Variants in TAFA4 observed in about 807,000 individuals in gnomAD.
TAFA4 encodes chemokine-like protein TAFA-4.
TAFA4 carries 20 observed loss-of-function variants against 21.1 expected under a neutral mutation model. That is an observed-to-expected ratio of 0.95 (90% confidence interval 0.67 to 1.38). The LOEUF (loss-of-function observed/expected upper bound fraction) is 1.38. Ranked by LOEUF, TAFA4 falls within the 40% of genes most tolerant of loss-of-function variation. The pLI, the probability that TAFA4 is intolerant of heterozygous loss-of-function variation, is 0.00. For missense variants in TAFA4, 211 were observed against 180.9 expected (o/e 1.17, Z -0.95); for synonymous variants, 71 against 67.4 (o/e 1.05, Z -0.26).
At chr3:68,795,954 A>G (rs560124499) in intron 3 of TAFA4, among the ~76,000 whole-genome samples, 49 of 152,310 alleles carry the variant, frequency 3.2e-4, no homozygotes, top group African/African-American at 1.1e-3. Flanking sequence ...ATTCTTGCAC[A>G]CTTGTAAAGT....
intron 3 of TAFA4, among the ~76,000 whole-genome samples, chr3:68,871,955 A>C (rs1044055672): frequency 2.0e-5 from 3 of 152,150 alleles, no homozygotes; most frequent in Admixed American, 1.3e-4. Context: ...CATTGGGGGA[A>C]TGTAGATTAG....
intron 1 of TAFA4, among the ~76,000 whole-genome samples, chr3:68,890,098 G>C (rs2089715918): frequency 6.6e-6 from 1 of 152,070 alleles, no homozygotes; most frequent in Admixed American, 6.6e-5. Context: ...AAATATTTAA[G>C]AATAAAGAGG....
At position 68,753,223 on chromosome 3, in the gene TAFA4, T is replaced by G. The variant is rs1702592654; in HGVS notation, c.131-205A>C. On this transcript the variant is annotated intron_variant, in intron 3 of 5. Coordinates refer to ENST00000295569, the MANE Select transcript of TAFA4 (RefSeq NM_182522.5). ...GCAAAAAGCTTCTGTGAACCTGTGGTAGGCAGAAATGAGGCCTCCAGGATC... is the reference window on the plus strand; with the variant it reads ...GCAAAAAGCTTCTGTGAACCTGTGGGAGGCAGAAATGAGGCCTCCAGGATC... Among the ~76,000 whole-genome samples the G allele has an allele frequency of 2.0e-5, 3 of 151,992 alleles. No individual in the cohort carries two copies. In the South Asian group the frequency reaches 6.2e-4, roughly 32 times the overall value.
intron 3 of TAFA4, among the ~76,000 whole-genome samples, chr3:68,863,464 G>T (rs568948501): frequency 3.9e-5 from 6 of 152,210 alleles, no homozygotes; most frequent in African/African-American, 1.4e-4. Context: ...ATCCAATCCA[G>T]TCAATTATTC....
intron 3 of TAFA4, among the ~76,000 whole-genome samples, chr3:68,824,098 C>G (rs2068480303): frequency 6.6e-6 from 1 of 152,188 alleles, no homozygotes; most frequent in Admixed American, 6.5e-5. Context: ...AAGCTGAAAG[C>G]TGGAGAGGCT....
intron 3 of TAFA4, among the ~76,000 whole-genome samples, chr3:68,803,322 C>A (rs916366501): frequency 5.9e-5 from 9 of 152,080 alleles, no homozygotes; most frequent in African/African-American, 2.2e-4. Flanking sequence ...TGCCTGGTTC[C>A]ACTTGCTCCT....
intron 1 of TAFA4, among the ~76,000 whole-genome samples, chr3:68,889,164 T>G (rs2089706448): frequency 6.6e-6 from 1 of 152,180 alleles, no homozygotes; most frequent in Non-Finnish European, 1.5e-5. Context: ...TTAGAACATG[T>G]CTGGTCATTC....
intron 3 of TAFA4, among the ~76,000 whole-genome samples, chr3:68,860,108 T>G (rs955049886): frequency 9.2e-5 from 14 of 152,060 alleles, no homozygotes; most frequent in African/African-American, 3.1e-4. Flanking sequence ...TTTGACAGAG[T>G]CAATTTGTAA....
At chr3:68,772,714 G>C (rs1204262581) in intron 3 of TAFA4, among the ~76,000 whole-genome samples, 1 of 152,176 alleles carries the variant, frequency 6.6e-6, no homozygotes, top group Non-Finnish European at 1.5e-5. Context: ...GGTAGAGGGA[G>C]GGGAGCTGGA....
intron 3 of TAFA4, among the ~76,000 whole-genome samples, chr3:68,769,634 T>G (rs758466662): frequency 7.9e-5 from 12 of 152,226 alleles, no homozygotes; most frequent in Non-Finnish European, 1.8e-4. Flanking sequence ...TACCCAGATT[T>G]GATTTTTACA....
chr3:68,911,116 A>G (rs912468727), intron 1 of TAFA4, among the ~76,000 whole-genome samples: 5 of 152,366 alleles, frequency 3.3e-5, no homozygotes, highest in African/African-American at 1.2e-4. Context: ...TTCACATTCA[A>G]ACAGCTCGCT....
rs1196605629 is a variant in TAFA4, at chr3:68,801,476, G to C, written c.131-48458C>G. On this transcript the variant is annotated intron_variant, in intron 3 of 5. Transcript: ENST00000295569. ...AAAGCTGGGATTAAGTAGCTTCTCA[G>C]TTCTTAAAGCATTTCCACACACAGC... Among the ~76,000 whole-genome samples, 5 of 152,312 alleles carry C rather than the reference G, an allele frequency of 3.3e-5. No homozygotes were observed. In the East Asian group the frequency reaches 7.7e-4, roughly 24 times the overall value.
intron 3 of TAFA4, among the ~76,000 whole-genome samples, chr3:68,829,018 T>C (rs1704316728): frequency 6.6e-6 from 1 of 151,806 alleles, no homozygotes; most frequent in African/African-American, 2.4e-5. Context: ...TATGATATTG[T>C]GATTGGCTTC....
rs60548305 is a variant in TAFA4 at position 68,783,713 on chromosome 3, A to AAAAGAAAGAAAGAAAG, written c.131-30711_131-30696dup. Among the ~76,000 whole-genome samples, 348 of 80,720 alleles carry AAAAGAAAGAAAGAAAG rather than the reference A, an allele frequency of 4.3e-3. 3 individuals carry two copies. Among genetic ancestry groups the AAAAGAAAGAAAGAAAG allele is most frequent in the Middle Eastern group, 0.012 (2 of 168 alleles). 53.0% of individuals were successfully genotyped at this position (80,720 alleles called of 152,430 possible). ...AGAGAGAGAGAGAGAGAGAGAAAGA[A>AAAAGAAAGAAAGAAAG]AAAGAAAGAAAGAAAGAAAGAAAGA... On this transcript the variant is annotated intron_variant, in intron 3 of 5. Transcript: ENST00000295569.
In TAFA4 at chr3:68,807,903, T is replaced by C. The variant is rs945231126; in HGVS notation, c.131-54885A>G. Among the ~76,000 whole-genome samples the C allele has an allele frequency of 2.6e-5, 4 of 152,322 alleles. No homozygotes were observed. The South Asian group carries it at 8.3e-4, about 32-fold the overall frequency. On this transcript the variant is annotated intron_variant, in intron 3 of 5. Coordinates refer to ENST00000295569, the MANE Select transcript of TAFA4 (RefSeq NM_182522.5). ...TATCTGGTAACAACAATATGTCCTC[T>C]GGTGTTGTCATGCCAGAGCATCTAC... is the stretch of plus-strand genomic sequence containing the variant.
At chr3:68,771,356 G>A (rs9817600) in intron 3 of TAFA4, among the ~76,000 whole-genome samples, 43,081 of 152,162 alleles carry the variant, frequency 0.28, 7,057 homozygotes, top group Non-Finnish European at 0.38. Flanking sequence ...GGGGCTTCGG[G>A]AATCGCAGAC....
At chr3:68,907,779 T>A (rs1476456579) in intron 1 of TAFA4, among the ~76,000 whole-genome samples, 2 of 152,160 alleles carry the variant, frequency 1.3e-5, no homozygotes, top group Non-Finnish European at 1.5e-5. Context: ...ACATCGATGG[T>A]AAACTCTAAA....
chr3:68,915,465 G>C (rs930548976), intron 1 of TAFA4, among the ~76,000 whole-genome samples: 4 of 152,112 alleles, frequency 2.6e-5, no homozygotes, highest in African/African-American at 4.8e-5. Flanking sequence ...AGTCATTACT[G>C]CATCTTTAAA....
At chr3:68,757,534 A>G (rs1702680436) in intron 3 of TAFA4, among the ~76,000 whole-genome samples, 1 of 152,264 alleles carries the variant, frequency 6.6e-6, no homozygotes, top group South Asian at 2.1e-4. Flanking sequence ...TGAAAAATAT[A>G]TGTGTCAGCA....
Sources: allele counts gnomAD v4.1 joint callset (sites outside exome capture counted in the v4.1 genomes callset), GRCh38; gene constraint gnomAD v4.1.1; transcripts MANE v1.5; gene names NCBI Gene and HGNC (gene_info 2026-07-23, HGNC 2026-07-21).